GTPBP4: variants seen among roughly 807,000 people sequenced by gnomAD.
GTPBP4 encodes GTP-binding protein 4.
A neutral mutation model predicts 81.7 loss-of-function variants in GTPBP4; 15 were observed. That is an observed-to-expected ratio of 0.18 (90% CI 0.12 to 0.28). The LOEUF (loss-of-function observed/expected upper bound fraction) is 0.28, where lower values mean the gene tolerates loss of function less well. GTPBP4 is among the 10% of genes least tolerant of loss of function. The probability of loss-of-function intolerance (pLI) is 1.00; values close to 1 mark genes in which losing one functional copy is unlikely to be tolerated. For synonymous variants in GTPBP4, 272 were observed against 274.6 expected, an observed-to-expected ratio of 0.99 and a Z score of 0.09; for missense variants, 847 against 793.8, an observed-to-expected ratio of 1.07 and a Z score of -0.81.
chr10:1,007,915 C>T (rs781082007), intron 10 of GTPBP4: 5 of 517,364 alleles, frequency 9.7e-6, no homozygotes, highest in East Asian at 5.4e-5. Context: ...ATCTTTTTCT[C>T]GCTGATTTGT....
intron 2 of GTPBP4, among the ~76,000 whole-genome samples, chr10:993,626 G>T (rs1292987604): frequency 3.9e-5 from 6 of 152,128 alleles, no homozygotes; most frequent in Non-Finnish European, 5.9e-5. Context: ...CCATGTGTGG[G>T]GTAATGTGGT....
At chr10:1,002,202 C>T (rs191307029) in intron 8 of GTPBP4, among the ~76,000 whole-genome samples, 183 of 152,230 alleles carry the variant, frequency 1.2e-3, no homozygotes, top group Admixed American at 0.011. Context: ...GGATTATAGG[C>T]GTGAGCCACT....
At chr10:1,005,713 C>G in intron 8 of GTPBP4, 105 bp from the exon 9 acceptor site, 1 of 710,190 alleles carries the variant, frequency 1.4e-6, no homozygotes, top group Non-Finnish European at 2.6e-6. Flanking sequence ...TTGAAACAAC[C>G]ACAGATGTTC....
intron 8 of GTPBP4, 70 bp from the exon 9 acceptor site, chr10:1,005,748 A>G (rs1831717909): frequency 2.3e-6 from 2 of 864,846 alleles, no homozygotes; most frequent in South Asian, 1.3e-5. Flanking sequence ...CATTTGCAGA[A>G]CTGTACAGTT....
Position 1,019,570 on chromosome 10 carries a change from G to A in GTPBP4, c.*2343G>A, listed in dbSNP as rs751356247. 11 of 1,613,954 alleles carry A rather than the reference G, an allele frequency of 6.8e-6. No individual in the cohort carries two copies. In the East Asian group the frequency reaches 2.5e-4, roughly 36 times the overall value. On this transcript the variant is annotated 3_prime_UTR_variant, in exon 17 of 17. Transcript: ENST00000360803. ...ACAAACGGGGTCACGTCATCCAGGT[G>A]AGGCCACCACCGGTACAGAAACCTC... is the stretch of plus-strand genomic sequence containing the variant.
chr10:1,014,613 C>T (rs186265927), intron 15 of GTPBP4, among the ~76,000 whole-genome samples: 51 of 152,226 alleles, frequency 3.4e-4, no homozygotes, highest in Admixed American at 2.9e-3. Flanking sequence ...GAGCTGAGAT[C>T]GTGCCCCTGT....
At position 992,669 on chromosome 10, in the gene GTPBP4, T is replaced by G. The variant is rs753416828; in HGVS notation, c.219+10T>G. On this transcript the variant is annotated intron_variant, in intron 2 of 16. Coordinates refer to ENST00000360803, the MANE Select transcript of GTPBP4 (RefSeq NM_012341.3). ...TTTCCCCAAATTGGATGTAAGTGAC[T>G]TAGGGGACTTCTGTGGTTATGTAAA... 3 of 1,559,946 alleles carry G rather than the reference T, an allele frequency of 1.9e-6. No individual in the cohort carries two copies. The highest frequency in any genetic ancestry group is 1.8e-6 in the Non-Finnish European group (2 of 1,133,582).
chr10:1,016,958 G>A, intron 16 of GTPBP4, 117 bp from the exon 17 acceptor site: 1 of 707,808 alleles, frequency 1.4e-6, no homozygotes, highest in South Asian at 2.0e-5. Flanking sequence ...ATGTAACAGG[G>A]TCTCTTCGCT....
chr10:1,019,595 C>T lies in GTPBP4; in HGVS notation c.*2368C>T, dbSNP rs771329449. On this transcript the variant is annotated 3_prime_UTR_variant, in exon 17 of 17. Coordinates refer to ENST00000360803, the MANE Select transcript of GTPBP4 (RefSeq NM_012341.3). ...GAGGCCACCACCGGTACAGAAACCT[C>T]TCGGCAATGGTTCTTAGCCAGGGGG... 33 of 1,613,978 alleles carry T rather than the reference C, an allele frequency of 2.0e-5. No individual in the cohort carries two copies. Among genetic ancestry groups the T allele is most frequent in the Non-Finnish European group, 2.6e-5 (31 of 1,180,022 alleles).
intron 10 of GTPBP4, 165 bp from the exon 11 acceptor site, chr10:1,008,793 A>G: frequency 1.5e-6 from 1 of 660,900 alleles, no homozygotes; most frequent in Non-Finnish European, 2.8e-6. Context: ...TGGTCTCGGT[A>G]TGAACCCACT....
rs1372717806 is a variant in GTPBP4, at chr10:1,017,095, T to A, written c.1773T>A (p.Thr591=). The part of the protein sequence containing the change: ...RDVKMVKKAK[T]MMKNAQKKMN... ...TTTAGATGGTGAAGAAAGCCAAGAC[T>A]ATGATGAAGAATGCTCAGAAGAAGA... Residue 591 remains threonine, a synonymous_variant, in exon 17 of 17, where the codon ACT becomes ACA. Transcript: ENST00000360803. The A allele has an allele frequency of 6.2e-7, 1 of 1,613,662 alleles. No homozygotes were observed. Among genetic ancestry groups the A allele is most frequent in the South Asian group, 1.1e-5 (1 of 91,010 alleles).
At chr10:990,545 A>G (rs1412965522) in intron 1 of GTPBP4, among the ~76,000 whole-genome samples, 5 of 151,528 alleles carry the variant, frequency 3.3e-5, no homozygotes, top group African/African-American at 4.9e-5. Context: ...ACACGGTGAA[A>G]CCCCGTCTCT....
rs762984817 is a variant in GTPBP4 at position 1,001,032 on chromosome 10, T to C, written c.912+19T>C. On this transcript the variant is annotated intron_variant, in intron 8 of 16. Coordinates refer to ENST00000360803, the MANE Select transcript of GTPBP4 (RefSeq NM_012341.3). ...TGATCAGGTAAATCACGTTAATATT[T>C]TGAATATTTCTTACTTACCAATTCT... 2 of 1,545,154 alleles carry C rather than the reference T, an allele frequency of 1.3e-6. No individual in the cohort carries two copies. Among genetic ancestry groups the C allele is most frequent in the South Asian group, 1.1e-5 (1 of 89,476 alleles).
intron 4 of GTPBP4, chr10:996,481 A>T (rs879342912): frequency 3.1e-6 from 1 of 321,968 alleles, no homozygotes; most frequent in South Asian, 1.3e-4. Context: ...AGGCATACAC[A>T]AAAAAGTCAC....
At position 1,017,340 on chromosome 10, in the gene GTPBP4, T is replaced by A; in HGVS notation, c.*113T>A. 2 of 995,972 alleles carry A rather than the reference T, an allele frequency of 2.0e-6. No homozygotes were observed. Among genetic ancestry groups the A allele is most frequent in the Non-Finnish European group, 3.0e-6 (2 of 666,124 alleles). The allele number at this position is 995,972 out of a possible 1,614,324, so 61.7% of individuals were successfully genotyped here. A position where few individuals can be genotyped will look rare whatever the true frequency, so the allele number is the denominator to read the frequency against. The stretch of plus-strand genomic sequence containing the variant: ...TATAAACTGAAAAAGACAAAATAAG[T>A]AAAGCACTTGTTGCTTTGCTGAAAA... On this transcript the variant is annotated 3_prime_UTR_variant, in exon 17 of 17. Coordinates refer to ENST00000360803, the MANE Select transcript of GTPBP4 (RefSeq NM_012341.3).
chr10:992,841 T>G (rs561268452), intron 2 of GTPBP4, among the ~76,000 whole-genome samples, 182 bp downstream of exon 2: 2 of 152,204 alleles, frequency 1.3e-5, no homozygotes, highest in South Asian at 4.1e-4. Flanking sequence ...AGAATTTGGG[T>G]TTTTTGATTC....
chr10:1,019,868 C>A lies in GTPBP4; in HGVS notation c.*2641C>A. ...AGAAATTGGTGCAGTGTTAACAACG[C>A]TAATGTAAAACACAGAATTTACAGA... On this transcript the variant is annotated 3_prime_UTR_variant, in exon 17 of 17. Coordinates refer to ENST00000360803, the MANE Select transcript of GTPBP4 (RefSeq NM_012341.3). 1 of 1,435,888 alleles carries A rather than the reference C, an allele frequency of 7.0e-7. No individual in the cohort carries two copies. Among genetic ancestry groups the A allele is most frequent in the Non-Finnish European group, 9.8e-7 (1 of 1,022,356 alleles). 88.9% of individuals were successfully genotyped at this position (1,435,888 alleles called of 1,614,324 possible).
rs1311624327 is a variant in GTPBP4 at position 1,009,547 on chromosome 10, G to A, written c.1210G>A (p.Glu404Lys). The change falls in exon 12 of 17, where the codon GAA (glutamate) becomes AAA (lysine). Residue 404 changes from glutamate (E) to lysine (K), a missense_variant. Physicochemically the swap from Glu to Lys is moderately conservative, Grantham distance 56 (BLOSUM62 1). This residue lies in a region of GTPBP4 where 600 missense variants were observed against 557.1 expected (regional missense o/e 1.08). Transcript: ENST00000360803. ...RKKRERDLEL[E>K]MGDDYILDLQ... ...ATTGCAGGAACGAGATCTTGAGCTG[G>A]AAATGGGAGATGATTATATTTTGGA... The A allele has an allele frequency of 6.2e-7, 1 of 1,604,432 alleles. No individual in the cohort carries two copies. The highest frequency in any genetic ancestry group is 1.1e-5 in the South Asian group (1 of 90,904).
intron 16 of GTPBP4, among the ~76,000 whole-genome samples, chr10:1,016,554 T>G (rs537296545): frequency 6.6e-6 from 1 of 152,374 alleles, no homozygotes; most frequent in African/African-American, 2.4e-5. Flanking sequence ...GAAACCTGGC[T>G]GTTAATATTG....
Sources: gnomAD v4.1 joint callset for allele counts (sites outside exome capture counted in the v4.1 genomes callset) on GRCh38, gnomAD v4.1.1 for gene constraint, gnomAD v4.1.1 regional missense constraint, MANE v1.5 for transcripts, NCBI Gene and HGNC (gene_info 2026-07-23, HGNC 2026-07-21) for gene names.